Variants in MPRIP observed in about 807,000 individuals in gnomAD.
The protein encoded by MPRIP is myosin phosphatase Rho interacting protein.
A neutral mutation model predicts 234.9 loss-of-function variants in MPRIP; 59 were observed. That is an observed-to-expected ratio of 0.25 (90% CI 0.20 to 0.31). MPRIP has a LOEUF of 0.31. Ranked by LOEUF, MPRIP falls within the 10% of genes least tolerant of loss-of-function variation. The pLI, the probability that MPRIP is intolerant of heterozygous loss-of-function variation, is 1.00. For missense variants in MPRIP, 2,436 were observed against 3,071.0 expected (o/e 0.79, Z 4.89); for synonymous variants, 1,144 against 1,263.9 (o/e 0.91, Z 2.01).
In MPRIP at chr17:17,076,053, A is replaced by G. The variant is rs202192607; in HGVS notation, c.201+266A>G. The G allele has an allele frequency of 2.4e-4, 101 of 427,744 alleles. 1 individual carries two copies. The East Asian group carries it at 4.1e-3, about 17-fold the overall frequency. 26.5% of individuals were successfully genotyped at this position (427,744 alleles called of 1,614,324 possible). On this transcript the variant is annotated intron_variant, in intron 2 of 23. Coordinates refer to ENST00000651222, the MANE Select transcript of MPRIP (RefSeq NM_001364716.4). The stretch of plus-strand genomic sequence containing the variant: ...GGGTCAGGTTGACTCTAGGAACAGT[A>G]AAATGGAAGAGGCAAAAGAGCAGTT...
chr17:17,147,618 C>T (rs756618499), intron 11 of MPRIP, among the ~76,000 whole-genome samples: 3 of 152,188 alleles, frequency 2.0e-5, no homozygotes, highest in Non-Finnish European at 4.4e-5. Flanking sequence ...GATCATTTTC[C>T]TGGCTGTGAT....
Position 17,188,812 on chromosome 17 carries a change from T to A in MPRIP, c.*3918T>A, listed in dbSNP as rs1362062617. On this transcript the variant is annotated 3_prime_UTR_variant, in exon 24 of 24. Coordinates refer to ENST00000651222, the MANE Select transcript of MPRIP (RefSeq NM_001364716.4). Reference sequence around the variant, plus strand: ...GAGCCCGCTAGGTGTTGCAGGGCCCTGGAGGCCAAGGCCACCCTGTGTGGG... The same window carrying A: ...GAGCCCGCTAGGTGTTGCAGGGCCCAGGAGGCCAAGGCCACCCTGTGTGGG... 6.6e-6 allele frequency: 1 copy of A among 152,212 alleles called. No individual in the cohort carries two copies. The highest frequency in any genetic ancestry group is 6.5e-5 in the Admixed American group (1 of 15,284). 9.4% of individuals were successfully genotyped at this position (152,212 alleles called of 1,614,324 possible).
rs1386845303 is a variant in MPRIP at position 17,165,595 on chromosome 17, C to A, written c.4004C>A (p.Pro1335His). ...STIQCQRYIH[P>H]EGSEKTWTSS... ...ATCCAGTGCCAAAGATACATTCACC[C>A]CGAAGGGTCTGAGAAGACCTGGACC... is the stretch of plus-strand genomic sequence containing the variant. The change falls in exon 16 of 24, where the codon CCC becomes CAC. Residue 1335 changes from proline to histidine, a missense_variant. This residue lies in a region of MPRIP where 1,998 missense variants were observed against 2,520.3 expected (regional missense o/e 0.79). Transcript: ENST00000651222. 7.7e-7 allele frequency: 1 copy of A among 1,304,812 alleles called. No individual in the cohort carries two copies. The highest frequency in any genetic ancestry group is 5.5e-5 in the East Asian group (1 of 18,026). 80.8% of individuals were successfully genotyped at this position (1,304,812 alleles called of 1,614,324 possible). A position where few individuals can be genotyped will look rare whatever the true frequency, so the allele number is the denominator to read the frequency against.
intron 3 of MPRIP, 103 bp from the exon 4 acceptor site, chr17:17,126,599 T>C: frequency 7.4e-7 from 1 of 1,343,084 alleles, no homozygotes; most frequent in Non-Finnish European, 1.0e-6. Context: ...AGAGCACTCC[T>C]AGAGGCCCCA....
At chr17:17,143,115 G>A (rs2045367162) in intron 8 of MPRIP, among the ~76,000 whole-genome samples, 3 of 152,140 alleles carry the variant, frequency 2.0e-5, no homozygotes, top group South Asian at 4.1e-4. Flanking sequence ...TCAGCCCAAG[G>A]TAGACTCGGC....
intron 1 of MPRIP, chr17:17,057,726 T>G (rs1192891391): frequency 1.4e-6 from 1 of 717,710 alleles, no homozygotes; most frequent in East Asian, 2.7e-5. Flanking sequence ...AGGAATGGCA[T>G]CAGCTATGAG....
intron 4 of MPRIP, among the ~76,000 whole-genome samples, chr17:17,130,655 G>A (rs919320815): frequency 6.6e-5 from 10 of 152,148 alleles, no homozygotes; most frequent in Non-Finnish European, 8.8e-5. Context: ...GACCTGGAGC[G>A]GTGTCTTCTG....
chr17:17,057,323 G>A (rs1567685356), intron 1 of MPRIP, among the ~76,000 whole-genome samples: 1 of 152,262 alleles, frequency 6.6e-6, no homozygotes, highest in Non-Finnish European at 1.5e-5. Context: ...GTGCAGGGGT[G>A]GCTCAGCTGC....
chr17:17,182,566 G>C (rs2046394541), intron 23 of MPRIP: 1 of 152,320 alleles, frequency 6.6e-6, no homozygotes, highest in African/African-American at 2.4e-5. Context: ...CGTAGAGAGA[G>C]AAACAGCCTC....
intron 3 of MPRIP, among the ~76,000 whole-genome samples, chr17:17,122,958 A>G (rs1194449610): frequency 6.6e-6 from 1 of 152,254 alleles, no homozygotes; most frequent in Non-Finnish European, 1.5e-5. Context: ...AAAAAATGGA[A>G]ACAGTCCAAA....
At chr17:17,133,459 C>G (rs1474223585) in intron 5 of MPRIP, among the ~76,000 whole-genome samples, 1 of 152,164 alleles carries the variant, frequency 6.6e-6, no homozygotes, top group Non-Finnish European at 1.5e-5. Context: ...CAGCCTGATG[C>G]TAAAGGCATT....
At chr17:17,130,577 AC>A (rs150881636) in intron 4 of MPRIP, among the ~76,000 whole-genome samples, 4,048 of 151,532 alleles carry the variant, frequency 0.027, 107 homozygotes, top group East Asian at 0.12. Flanking sequence ...AGCAGTACAG[AC>A]CCCCCCATCC....
chr17:17,073,767 G>A (rs1350034640), intron 1 of MPRIP, among the ~76,000 whole-genome samples: 6 of 152,270 alleles, frequency 3.9e-5, no homozygotes, highest in Non-Finnish European at 1.5e-5. Flanking sequence ...AGGTTTGCTG[G>A]GCACAGCTGG....
At chr17:17,118,783 G>A (rs929180383) in intron 3 of MPRIP, among the ~76,000 whole-genome samples, 14 of 152,086 alleles carry the variant, frequency 9.2e-5, no homozygotes, top group African/African-American at 2.2e-4. Context: ...CCTTTTCTGC[G>A]GCTCTTTCCA....
At chr17:17,137,873 C>G (rs367964746) in intron 6 of MPRIP, 43 bp from the exon 7 acceptor site, 1 of 1,511,418 alleles carries the variant, frequency 6.6e-7, no homozygotes, top group Non-Finnish European at 8.9e-7. Context: ...GCAAAGCTGC[C>G]AGCAGGCTGA....
intron 23 of MPRIP, among the ~76,000 whole-genome samples, chr17:17,184,452 C>T (rs1225121981): frequency 6.6e-6 from 1 of 152,222 alleles, no homozygotes; most frequent in Non-Finnish European, 1.5e-5. Context: ...TGGATGTGGA[C>T]AAATCCATTC....
chr17:17,154,328 T>C lies in MPRIP; in HGVS notation c.1742T>C (p.Leu581Pro). The change falls in exon 13 of 24, where the codon CTG becomes CCG. Residue 581 changes from leucine to proline, a missense_variant. By Grantham distance (98) the Leu-to-Pro change is moderately conservative. Coordinates refer to ENST00000651222, the MANE Select transcript of MPRIP (RefSeq NM_001364716.4). Reference sequence around the variant, plus strand: ...TAGACAAAGGAGGGCGAGTTTACCCTGTCGGCCATGACATCTGGGATTCGG... The same window carrying C: ...TAGACAAAGGAGGGCGAGTTTACCCCGTCGGCCATGACATCTGGGATTCGG... ...QIHTKEGEFT[L>P]SAMTSGIRRN... 2 of 1,614,168 alleles carry C rather than the reference T, an allele frequency of 1.2e-6. No individual in the cohort carries two copies. Among genetic ancestry groups the C allele is most frequent in the Non-Finnish European group, 1.7e-6 (2 of 1,180,024 alleles).
chr17:17,183,355 AC>A (rs2046411741), intron 23 of MPRIP: 1 of 152,280 alleles, frequency 6.6e-6, no homozygotes, highest in South Asian at 2.1e-4. Flanking sequence ...AGCTGGGACT[AC>A]AGGCGCCTGC....
At chr17:17,128,762 G>A (rs1221892513) in intron 4 of MPRIP, among the ~76,000 whole-genome samples, 2 of 152,172 alleles carry the variant, frequency 1.3e-5, no homozygotes. Context: ...TCAGCTGCGT[G>A]AGGGAGTCAG....
Sources: gnomAD v4.1 joint callset for allele counts (sites outside exome capture counted in the v4.1 genomes callset) on GRCh38, gnomAD v4.1.1 for gene constraint, gnomAD v4.1.1 regional missense constraint, MANE v1.5 for transcripts, NCBI Gene and HGNC (gene_info 2026-07-23, HGNC 2026-07-21) for gene names.